Variants in CKS1B observed in about 807,000 individuals in gnomAD.
The protein encoded by CKS1B is cyclin-dependent kinases regulatory subunit 1.
A neutral mutation model predicts 12.2 loss-of-function variants in CKS1B; 5 were observed. The observed-to-expected ratio is 0.41, with a 90% CI of 0.21 to 0.86. The LOEUF (loss-of-function observed/expected upper bound fraction) is 0.86. CKS1B is among the 40% of genes least tolerant of loss of function. The pLI is 0.32. For synonymous variants in CKS1B, 24 were observed against 34.4 expected, an observed-to-expected ratio of 0.70 and a Z score of 1.06; for missense variants, 53 against 99.9, an observed-to-expected ratio of 0.53 and a Z score of 2.00.
rs1445741356 is a variant in CKS1B, at chr1:154,977,970, C to T, written c.60-17C>T. 3 of 1,609,812 alleles carry T rather than the reference C, an allele frequency of 1.9e-6. No homozygotes were observed. Among genetic ancestry groups the T allele is most frequent in the Non-Finnish European group, 2.5e-6 (3 of 1,178,170 alleles). On this transcript the variant is annotated splice_polypyrimidine_tract_variant and intron_variant, in intron 1 of 2. Transcript: ENST00000308987. ...TGGTACTAACATAAATTCCCCACTT[C>T]CCCGTTTCTGTTACAGACATGTCAT...
At chr1:154,977,829 CT>C (rs1657227929) in intron 1 of CKS1B, 157 bp from the exon 2 acceptor site, 3 of 642,656 alleles carry the variant, frequency 4.7e-6, no homozygotes, top group Non-Finnish European at 7.8e-6. Context: ...ATAACATAGC[CT>C]GTATTTCTAG....
Position 154,974,701 on chromosome 1 carries a change from T to G in CKS1B, c.-45T>G, listed in dbSNP as rs1657083309. 3.2e-6 allele frequency: 5 copies of G among 1,557,824 alleles called. No homozygotes were observed. The highest frequency in any genetic ancestry group is 4.3e-6 in the Non-Finnish European group (5 of 1,150,838). ...GGAGCGCGTGCTGTTGGGAGTTGCT[T>G]GGAGGTTGGCGGCGCGGGGCTGAAG... On this transcript the variant is annotated 5_prime_UTR_variant, in exon 1 of 3. Transcript: ENST00000308987.
rs1004693996 is a variant in CKS1B, at chr1:154,974,823, G to A, written c.59+19G>A. On this transcript the variant is annotated intron_variant, in intron 1 of 2. Coordinates refer to ENST00000308987, the MANE Select transcript of CKS1B (RefSeq NM_001826.3). ...AGTATCGGTTAGTGCTGGCGCGGGA[G>A]CAATAGCGAGGGTCGTGAGCTTTGG... The A allele has an allele frequency of 6.2e-7, 1 of 1,614,062 alleles. No individual in the cohort carries two copies. The highest frequency in any genetic ancestry group is 1.3e-5 in the African/African-American group (1 of 75,052).
chr1:154,978,258 A>T, intron 2 of CKS1B, 144 bp downstream of exon 2: 6 of 874,010 alleles, frequency 6.9e-6, no homozygotes, highest in Non-Finnish European at 1.0e-5. Context: ...TTTAAAAAAA[A>T]ACTAGTGACC....
chr1:154,978,942 G>T lies in CKS1B; in HGVS notation c.*165G>T. ...TGGTAACTGCTTTGCTTCTTGAGTAGAGCCACCACCACCATAGCCCAGCCA... is the reference window on the plus strand; with the variant it reads ...TGGTAACTGCTTTGCTTCTTGAGTATAGCCACCACCACCATAGCCCAGCCA... On this transcript the variant is annotated 3_prime_UTR_variant, in exon 3 of 3. Coordinates refer to ENST00000308987, the MANE Select transcript of CKS1B (RefSeq NM_001826.3). 1 of 609,668 alleles carries T rather than the reference G, an allele frequency of 1.6e-6. No homozygotes were observed. The highest frequency in any genetic ancestry group is 3.0e-6 in the Non-Finnish European group (1 of 338,914). 37.8% of individuals were successfully genotyped at this position (609,668 alleles called of 1,614,324 possible).
chr1:154,975,927 G>C (rs1657168584), intron 1 of CKS1B: 1 of 154,196 alleles, frequency 6.5e-6, no homozygotes, highest in Admixed American at 6.6e-5. Flanking sequence ...GCCTGCTTGA[G>C]GGAGGAGGGT....
chr1:154,978,583 G>A, intron 2 of CKS1B, 142 bp from the exon 3 acceptor site: 1 of 680,512 alleles, frequency 1.5e-6, no homozygotes, highest in Non-Finnish European at 2.6e-6. Context: ...TTCTGGGTCT[G>A]CTTCTAAGGC....
rs773922457 is a variant in CKS1B at position 154,974,821 on chromosome 1, G to A, written c.59+17G>A. ...TGAGTATCGGTTAGTGCTGGCGCGG[G>A]AGCAATAGCGAGGGTCGTGAGCTTT... On this transcript the variant is annotated intron_variant, in intron 1 of 2. Coordinates refer to ENST00000308987, the MANE Select transcript of CKS1B (RefSeq NM_001826.3). 1.9e-6 allele frequency: 3 copies of A among 1,614,064 alleles called. No homozygotes were observed. Among genetic ancestry groups the A allele is most frequent in the Non-Finnish European group, 2.5e-6 (3 of 1,179,942 alleles).
chr1:154,974,693 G>C lies in CKS1B; in HGVS notation c.-53G>C. ...AGTGGGTGGGAGCGCGTGCTGTTGG[G>C]AGTTGCTTGGAGGTTGGCGGCGCGG... On this transcript the variant is annotated 5_prime_UTR_variant, in exon 1 of 3. Transcript: ENST00000308987. 3.2e-6 allele frequency: 5 copies of C among 1,553,666 alleles called. No homozygotes were observed. The South Asian group carries it at 3.5e-5, about 11-fold the overall frequency.
chr1:154,978,250 T>TA lies in CKS1B; in HGVS notation c.187+145dup, dbSNP rs1301137776. The TA allele has an allele frequency of 1.4e-3, 1,422 of 984,232 alleles. 1 individual carries two copies. The highest frequency in any genetic ancestry group is 1.6e-3 in the South Asian group (78 of 47,616). 61.0% of individuals were successfully genotyped at this position (984,232 alleles called of 1,614,324 possible). A position where few individuals can be genotyped will look rare whatever the true frequency, so the allele number is the denominator to read the frequency against. The stretch of plus-strand genomic sequence containing the variant: ...CCCCTCCAGTCGTGGGGGATTTTTT[T>TA]AAAAAAAAACTAGTGACCAAAAATA... On this transcript the variant is annotated intron_variant, in intron 2 of 2. Coordinates refer to ENST00000308987, the MANE Select transcript of CKS1B (RefSeq NM_001826.3).
intron 1 of CKS1B, chr1:154,977,233 A>C (rs987192934): frequency 2.6e-5 from 4 of 151,304 alleles, no homozygotes; most frequent in Non-Finnish European, 5.9e-5. Flanking sequence ...TCCTGCCTCA[A>C]CCTCCCAAAT....
At chr1:154,978,168 A>T (rs1208682522) in intron 2 of CKS1B, 54 bp downstream of exon 2, 1 of 1,570,592 alleles carries the variant, frequency 6.4e-7, no homozygotes, top group East Asian at 2.3e-5. Context: ...GAGAGAATGA[A>T]AGAATAAGAT....
intron 1 of CKS1B, 84 bp downstream of exon 1, chr1:154,974,888 G>A (rs527372216): frequency 1.3e-5 from 21 of 1,614,036 alleles, no homozygotes; most frequent in Admixed American, 1.0e-4. Flanking sequence ...GAACTGAGGC[G>A]ATAGAATTGG....
At chr1:154,978,605 G>A in intron 2 of CKS1B, 120 bp from the exon 3 acceptor site, 1 of 803,300 alleles carries the variant, frequency 1.2e-6, no homozygotes, top group Non-Finnish European at 2.1e-6. Context: ...ATATGCTTAA[G>A]TCTTTATTTA....
intron 1 of CKS1B, chr1:154,975,627 G>A (rs1327429752): frequency 1.3e-5 from 2 of 155,034 alleles, no homozygotes; most frequent in Non-Finnish European, 2.9e-5. Context: ...GGGTTGAGGT[G>A]GGGCTAGAAA....
At chr1:154,975,644 C>T (rs1422926440) in intron 1 of CKS1B, 1 of 154,908 alleles carries the variant, frequency 6.5e-6, no homozygotes, top group East Asian at 1.9e-4. Flanking sequence ...GAAAGTCAGT[C>T]CCCTACTTTT....
chr1:154,974,966 G>T, intron 1 of CKS1B, 162 bp downstream of exon 1: 8 of 1,604,692 alleles, frequency 5.0e-6, no homozygotes, highest in Non-Finnish European at 6.0e-6. Context: ...CATGCGCGGA[G>T]GTGGGAGGCG....
intron 1 of CKS1B, 95 bp downstream of exon 1, chr1:154,974,899 C>T: frequency 1.9e-6 from 3 of 1,613,948 alleles, no homozygotes; most frequent in Non-Finnish European, 2.5e-6. Flanking sequence ...ATAGAATTGG[C>T]GCATGCGTAC....
intron 1 of CKS1B, chr1:154,977,590 C>G (rs1657222592): frequency 6.1e-6 from 1 of 164,210 alleles, no homozygotes; most frequent in Admixed American, 6.3e-5. Flanking sequence ...TTTGTAATAA[C>G]TTGTCCACAC....
Sources: gnomAD v4.1 joint callset for allele counts on GRCh38, gnomAD v4.1.1 for gene constraint, MANE v1.5 for transcripts, NCBI Gene and HGNC (gene_info 2026-07-23, HGNC 2026-07-21) for gene names.